GALNTL6: variants seen among roughly 807,000 people sequenced by gnomAD.
GALNTL6 encodes the protein polypeptide N-acetylgalactosaminyltransferase like 6.
GALNTL6 carries 46 observed loss-of-function variants against 73.7 expected under a neutral mutation model. The observed-to-expected ratio is 0.62, with a 90% CI of 0.49 to 0.80. The LOEUF (loss-of-function observed/expected upper bound fraction) is 0.80, where lower values mean the gene tolerates loss of function less well. Ranked by LOEUF, GALNTL6 falls within the 30% of genes least tolerant of loss-of-function variation. GALNTL6 has a pLI of 0.00. For synonymous variants in GALNTL6, 259 were observed against 263.7 expected, an observed-to-expected ratio of 0.98 and a Z score of 0.17; for missense variants, 604 against 755.0, an observed-to-expected ratio of 0.80 and a Z score of 2.34.
intron 5 of GALNTL6, among the ~76,000 whole-genome samples, chr4:172,484,987 T>G (rs1270528670): frequency 1.3e-5 from 2 of 152,138 alleles, no homozygotes; most frequent in Admixed American, 6.5e-5. Context: ...ATTTTTAATA[T>G]AAAGAGCATA....
At chr4:172,161,629 G>T (rs932155415) in intron 2 of GALNTL6, among the ~76,000 whole-genome samples, 2 of 151,962 alleles carry the variant, frequency 1.3e-5, no homozygotes, top group Non-Finnish European at 2.9e-5. Flanking sequence ...GATCTTAGAA[G>T]AGTCAAGAAA....
At chr4:172,281,042 G>A (rs1026275990) in intron 3 of GALNTL6, among the ~76,000 whole-genome samples, 2 of 151,840 alleles carry the variant, frequency 1.3e-5, no homozygotes, top group African/African-American at 4.8e-5. Flanking sequence ...GGTGGCGAGT[G>A]CCTGTAGTCC....
intron 5 of GALNTL6, among the ~76,000 whole-genome samples, chr4:172,611,811 G>A (rs773847438): frequency 6.6e-6 from 1 of 151,980 alleles, no homozygotes; most frequent in Admixed American, 6.6e-5. Flanking sequence ...GTTTTCAAGG[G>A]TATATATCAA....
intron 10 of GALNTL6, among the ~76,000 whole-genome samples, chr4:172,972,793 A>G (rs1750640061): frequency 6.6e-6 from 1 of 152,256 alleles, no homozygotes; most frequent in Non-Finnish European, 1.5e-5. Context: ...TAGATGAGAC[A>G]ACATGAACAA....
At chr4:172,684,419 TC>T (rs1386506177) in intron 5 of GALNTL6, among the ~76,000 whole-genome samples, 1 of 152,162 alleles carries the variant, frequency 6.6e-6, no homozygotes, top group Admixed American at 6.6e-5. Flanking sequence ...GTTTCTGGTC[TC>T]AAGAACCTTC....
At chr4:172,854,613 T>C (rs1744027993) in intron 7 of GALNTL6, among the ~76,000 whole-genome samples, 1 of 152,158 alleles carries the variant, frequency 6.6e-6, no homozygotes, top group South Asian at 2.1e-4. Context: ...GTCACTCCTT[T>C]CAACTAGAAT....
chr4:172,318,178 A>G (rs1578949859), intron 4 of GALNTL6, among the ~76,000 whole-genome samples: 1 of 152,204 alleles, frequency 6.6e-6, no homozygotes, highest in African/African-American at 2.4e-5. Flanking sequence ...ACATTAGTAC[A>G]TAAGTTCTCA....
At chr4:172,622,115 T>G (rs753911650) in intron 5 of GALNTL6, among the ~76,000 whole-genome samples, 82 of 152,284 alleles carry the variant, frequency 5.4e-4, no homozygotes, top group Admixed American at 9.8e-4. Context: ...AAATCTCATA[T>G]GAAATTGGAG....
At chr4:171,917,226 A>G (rs531831881) in intron 2 of GALNTL6, among the ~76,000 whole-genome samples, 2 of 151,906 alleles carry the variant, frequency 1.3e-5, no homozygotes, top group Non-Finnish European at 1.5e-5. Flanking sequence ...CTTATTCCAG[A>G]CATATCTATT....
intron 3 of GALNTL6, among the ~76,000 whole-genome samples, chr4:172,287,404 G>A (rs1399763488): frequency 6.6e-6 from 1 of 152,074 alleles, no homozygotes; most frequent in Non-Finnish European, 1.5e-5. Flanking sequence ...AAACCACTTT[G>A]CTGAGCAAAA....
intron 5 of GALNTL6, among the ~76,000 whole-genome samples, chr4:172,513,757 G>A (rs930412791): frequency 6.6e-6 from 1 of 152,196 alleles, no homozygotes; most frequent in African/African-American, 2.4e-5. Context: ...GCCCCATGAG[G>A]TTATCATCCT....
intron 5 of GALNTL6, among the ~76,000 whole-genome samples, chr4:172,512,285 A>G (rs150244252): frequency 0.012 from 582 of 46,594 alleles, 222 homozygotes; most frequent in African/African-American, 0.036. Flanking sequence ...GTCCATCTGC[A>G]TGGAATATCT....
intron 2 of GALNTL6, among the ~76,000 whole-genome samples, chr4:172,176,603 A>C (rs1735010083): frequency 6.6e-6 from 1 of 152,012 alleles, no homozygotes; most frequent in Non-Finnish European, 1.5e-5. Flanking sequence ...CAGCCTGGAC[A>C]ACATAGTGAG....
chr4:172,880,631 G>C (rs1376018537), intron 7 of GALNTL6, among the ~76,000 whole-genome samples: 1 of 152,102 alleles, frequency 6.6e-6, no homozygotes, highest in Non-Finnish European at 1.5e-5. Flanking sequence ...CTTAAAATAT[G>C]TGCAATCAAT....
intron 5 of GALNTL6, among the ~76,000 whole-genome samples, chr4:172,393,643 CAT>C (rs1743745560): frequency 6.6e-6 from 1 of 152,112 alleles, no homozygotes; most frequent in Non-Finnish European, 1.5e-5. Flanking sequence ...GTACAAATGA[CAT>C]ATATTTTTGT....
intron 4 of GALNTL6, among the ~76,000 whole-genome samples, chr4:172,340,957 G>A (rs1741537388): frequency 6.6e-6 from 1 of 152,122 alleles, no homozygotes; most frequent in South Asian, 2.1e-4. Flanking sequence ...CCTTTAGAGT[G>A]CTCTATCTTG....
At chr4:171,836,555 C>T (rs974929121) in intron 2 of GALNTL6, among the ~76,000 whole-genome samples, 1 of 152,062 alleles carries the variant, frequency 6.6e-6, no homozygotes, top group Non-Finnish European at 1.5e-5. Context: ...TTTGAATGCT[C>T]CTCCTTTCTA....
chr4:172,154,357 C>A (rs1160402852), intron 2 of GALNTL6, among the ~76,000 whole-genome samples: 1 of 152,010 alleles, frequency 6.6e-6, no homozygotes, highest in African/African-American at 2.4e-5. Context: ...CTCAGCCTCC[C>A]AAGTAGCTGG....
rs1753861446 is a variant in GALNTL6, at chr4:173,040,603, T to C, written c.*503T>C. 6.5e-6 allele frequency: 1 copy of C among 153,130 alleles called. No individual in the cohort carries two copies. The highest frequency in any genetic ancestry group is 2.1e-4 in the South Asian group (1 of 4,840). The allele number at this position is 153,130 out of a possible 1,614,324, so 9.5% of individuals were successfully genotyped here. A position where few individuals can be genotyped will look rare whatever the true frequency, so the allele number is the denominator to read the frequency against. On this transcript the variant is annotated 3_prime_UTR_variant, in exon 13 of 13. Transcript: ENST00000506823. ...CAGCAGGTTTAACCCTTAAAAGTGC[T>C]GCAGATGATTTCAGAGTGCTCACAC... is the stretch of plus-strand genomic sequence containing the variant.
Sources: gnomAD v4.1 joint callset for allele counts (sites outside exome capture counted in the v4.1 genomes callset) on GRCh38, gnomAD v4.1.1 for gene constraint, MANE v1.5 for transcripts, NCBI Gene and HGNC (gene_info 2026-07-23, HGNC 2026-07-21) for gene names.